Variants in SLC14A2 observed in about 807,000 individuals in gnomAD.
SLC14A2 encodes the protein solute carrier family 14 member 2.
SLC14A2 carries 91 observed loss-of-function variants against 104.6 expected under a neutral mutation model. That is an observed-to-expected ratio of 0.87 (90% CI 0.73 to 1.04). SLC14A2 has a LOEUF of 1.04. SLC14A2 is among the 50% of genes least tolerant of loss of function. SLC14A2 has a pLI of 0.00. For synonymous variants in SLC14A2, 476 were observed against 466.4 expected (o/e 1.02, Z -0.27); for missense variants, 1,189 against 1,156.0 (o/e 1.03, Z -0.41).
chr18:45,677,423 T>C (rs1256515602), intron 18 of SLC14A2, among the ~76,000 whole-genome samples: 3 of 152,106 alleles, frequency 2.0e-5, no homozygotes, highest in Non-Finnish European at 4.4e-5. Flanking sequence ...CAACCTCAGA[T>C]CTGAGAGGCT....
chr18:45,270,707 C>T (rs1312248105), intron 1 of SLC14A2, among the ~76,000 whole-genome samples: 1 of 152,128 alleles, frequency 6.6e-6, no homozygotes, highest in African/African-American at 2.4e-5. Context: ...GTCTCTACAT[C>T]CCATCCATCT....
chr18:45,547,056 T>C lies in SLC14A2; in HGVS notation c.-35+63734T>C, dbSNP rs530279794. On this transcript the variant is annotated intron_variant, in intron 2 of 20. Transcript: ENST00000586448. ...GAGCAGAGAGCACTTTTTAAACTCC[T>C]TTCTGATTAGGGCATGGGCTAATCA... Among the ~76,000 whole-genome samples the C allele has an allele frequency of 5.9e-5, 9 of 152,298 alleles. No homozygotes were observed. In the East Asian group the frequency reaches 1.5e-3, roughly 26 times the overall value.
chr18:45,660,299 T>C (rs963508280), intron 10 of SLC14A2, among the ~76,000 whole-genome samples: 7 of 152,112 alleles, frequency 4.6e-5, no homozygotes, highest in African/African-American at 1.7e-4. Context: ...CAAGAACATA[T>C]GATTAACTCT....
At chr18:45,615,836 TGA>T (rs779783446) in intron 1 of SLC14A2, among the ~76,000 whole-genome samples, 7,270 of 147,732 alleles carry the variant, frequency 0.049, 538 homozygotes, top group African/African-American at 0.16. Context: ...TGTGTGTGTG[TGA>T]GAGAGAGAGA....
At chr18:45,282,922 A>C (rs570997771) in intron 1 of SLC14A2, among the ~76,000 whole-genome samples, 2 of 152,068 alleles carry the variant, frequency 1.3e-5, no homozygotes, top group Non-Finnish European at 2.9e-5. Context: ...ACTGAGTTTC[A>C]AAAGAATACA....
chr18:45,637,191 C>G lies in SLC14A2; in HGVS notation c.843+9C>G, dbSNP rs2045431763. ...AGATGGAAATGCCCCTGGTAAGTTA[C>G]CCAGCGGTGATGAGTTGAGACCCCC... is the stretch of plus-strand genomic sequence containing the variant. On this transcript the variant is annotated intron_variant, in intron 6 of 19. Transcript: ENST00000255226. 6.2e-7 allele frequency: 1 copy of G among 1,611,518 alleles called. No individual in the cohort carries two copies. The highest frequency in any genetic ancestry group is 1.1e-5 in the South Asian group (1 of 90,798).
At chr18:45,674,623 G>A (rs1374552525) in intron 18 of SLC14A2, among the ~76,000 whole-genome samples, 2 of 150,694 alleles carry the variant, frequency 1.3e-5, no homozygotes, top group Admixed American at 6.6e-5. Context: ...AAAAAAAAAA[G>A]TAGCTGTCAT....
chr18:45,403,645 G>T (rs984868993), intron 1 of SLC14A2, among the ~76,000 whole-genome samples: 4 of 152,054 alleles, frequency 2.6e-5, no homozygotes, highest in Non-Finnish European at 5.9e-5. Context: ...CTAGTTCATG[G>T]TCTTGGCCTA....
At chr18:45,576,322 C>T (rs1353697085) in intron 2 of SLC14A2, among the ~76,000 whole-genome samples, 1 of 127,722 alleles carries the variant, frequency 7.8e-6, no homozygotes, top group Non-Finnish European at 1.6e-5. Context: ...CTCACTCTGT[C>T]GCCCAGGCTG....
At chr18:45,207,881 T>C in the SLC14A2 span, among the ~76,000 whole-genome samples, 1 of 152,220 alleles carries the variant, frequency 6.6e-6, no homozygotes, top group African/African-American at 2.4e-5. Context: ...ACAAGGCTTT[T>C]ACAGCAATTA....
chr18:45,463,495 C>T (rs957238357), intron 1 of SLC14A2, among the ~76,000 whole-genome samples: 1 of 152,196 alleles, frequency 6.6e-6, no homozygotes, highest in Non-Finnish European at 1.5e-5. Flanking sequence ...GCCATTATTA[C>T]GTAAAGGCCA....
intron 7 of SLC14A2, among the ~76,000 whole-genome samples, 179 bp downstream of exon 7, chr18:45,640,072 T>C (rs1013404019): frequency 3.3e-5 from 5 of 152,000 alleles, no homozygotes; most frequent in Non-Finnish European, 7.4e-5. Flanking sequence ...GGCACATAGA[T>C]GACCTGAACT....
intron 1 of SLC14A2, among the ~76,000 whole-genome samples, chr18:45,216,913 C>T (rs1482025628): frequency 6.6e-6 from 1 of 152,160 alleles, no homozygotes; most frequent in Non-Finnish European, 1.5e-5. Flanking sequence ...GCACTCTCCT[C>T]TTCCTATCTG....
chr18:45,436,055 T>C (rs1210147021), intron 1 of SLC14A2, among the ~76,000 whole-genome samples: 2 of 152,116 alleles, frequency 1.3e-5, no homozygotes, highest in African/African-American at 2.4e-5. Flanking sequence ...CCAAAGACCA[T>C]GACCAGACAG....
intron 2 of SLC14A2, among the ~76,000 whole-genome samples, chr18:45,554,002 A>C (rs1191722258): frequency 3.3e-5 from 5 of 152,210 alleles, no homozygotes; most frequent in Non-Finnish European, 5.9e-5. Context: ...TTCGGAGCAA[A>C]ACTAAATAAA....
intron 2 of SLC14A2, among the ~76,000 whole-genome samples, chr18:45,589,484 C>T (rs184507482): frequency 3.9e-5 from 6 of 152,232 alleles, no homozygotes; most frequent in African/African-American, 1.4e-4. Context: ...TTAGTGTTTC[C>T]ATATGGAATT....
At chr18:45,417,181 T>C (rs1231647853) in intron 1 of SLC14A2, among the ~76,000 whole-genome samples, 3 of 152,214 alleles carry the variant, frequency 2.0e-5, no homozygotes, top group Non-Finnish European at 1.5e-5. Flanking sequence ...CCTTACAAAA[T>C]TCTACTAGGG....
chr18:45,352,972 A>G (rs146582422), intron 1 of SLC14A2, among the ~76,000 whole-genome samples: 1 of 152,350 alleles, frequency 6.6e-6, no homozygotes, highest in African/African-American at 2.4e-5. Context: ...GACATACAGA[A>G]ATCAAAAGTG....
At chr18:45,522,001 G>A (rs2705388) in intron 2 of SLC14A2, among the ~76,000 whole-genome samples, 64,632 of 152,024 alleles carry the variant, frequency 0.43, 15,335 homozygotes, top group East Asian at 0.57. Context: ...AAGCGTGCTG[G>A]ACTGGGAGTC....
Sources: gnomAD v4.1 joint callset for allele counts (sites outside exome capture counted in the v4.1 genomes callset) on GRCh38, gnomAD v4.1.1 for gene constraint, MANE v1.5 for transcripts, NCBI Gene and HGNC (gene_info 2026-07-23, HGNC 2026-07-21) for gene names.